ZC3H12B: variants seen among roughly 807,000 people sequenced by gnomAD.
ZC3H12B encodes probable ribonuclease ZC3H12B.
In ZC3H12B, 7 loss-of-function variants were observed where a neutral mutation model predicts 43.9. The ratio of observed to expected loss-of-function variants is 0.16; its 90% CI spans 0.09 to 0.30. ZC3H12B has a LOEUF of 0.30. ZC3H12B is among the 10% of genes least tolerant of loss of function. The pLI, the probability that ZC3H12B is intolerant of heterozygous loss-of-function variation, is 1.00. For missense variants in ZC3H12B, 475 were observed against 670.2 expected (o/e 0.71, Z 3.22); for synonymous variants, 222 against 241.7 (o/e 0.92, Z 0.76).
chrX:65,126,935 C>G, the ZC3H12B span, among the ~76,000 whole-genome samples: 5 of 110,201 alleles, frequency 4.5e-5, no homozygotes, highest in Non-Finnish European at 9.5e-5. Flanking sequence ...TTAAGTTGGA[C>G]TTCACCTTTT....
the ZC3H12B span, among the ~76,000 whole-genome samples, chrX:65,313,063 G>A: frequency 9.0e-6 from 1 of 110,552 alleles, no homozygotes; most frequent in Non-Finnish European, 1.9e-5. Flanking sequence ...TGTATTTTTG[G>A]TAGAGGTGGG....
At chrX:65,339,597 T>G in the ZC3H12B span, among the ~76,000 whole-genome samples, 1 of 111,778 alleles carries the variant, frequency 8.9e-6, no homozygotes, top group Non-Finnish European at 1.9e-5. Flanking sequence ...ATTTTAGCCC[T>G]AGGGGAAATG....
chrX:65,409,594 A>G (rs1038457409), intron 3 of ZC3H12B, among the ~76,000 whole-genome samples: 2 of 109,980 alleles, frequency 1.8e-5, no homozygotes, highest in Admixed American at 1.9e-4. Context: ...ACACACACAC[A>G]CACAATTAGA....
chrX:65,190,403 C>A, the ZC3H12B span, among the ~76,000 whole-genome samples: 1 of 111,220 alleles, frequency 9.0e-6, no homozygotes, highest in Non-Finnish European at 1.9e-5. Flanking sequence ...TGGCCATTTT[C>A]ACGATATTGA....
chrX:65,373,970 A>AG (rs2066295979), intron 2 of ZC3H12B, among the ~76,000 whole-genome samples: 1 of 49,179 alleles, frequency 2.0e-5, no homozygotes, highest in Non-Finnish European at 2.7e-5. Flanking sequence ...CTGTATATAT[A>AG]GTATATATAT....
chrX:65,039,731 A>G, the ZC3H12B span, among the ~76,000 whole-genome samples: 2 of 112,083 alleles, frequency 1.8e-5, no homozygotes, highest in Non-Finnish European at 3.8e-5. Context: ...GGGTGATTTG[A>G]CTGGAAGTGG....
intron 2 of ZC3H12B, among the ~76,000 whole-genome samples, chrX:65,372,524 G>GGAAA (rs1157589626): frequency 1.0e-5 from 1 of 99,074 alleles, no homozygotes; most frequent in Non-Finnish European, 2.0e-5. Context: ...AAGGAAGGAA[G>GGAAA]GAAGGAAGGA....
At chrX:65,367,544 A>G (rs2066189632) in intron 1 of ZC3H12B, among the ~76,000 whole-genome samples, 1 of 111,820 alleles carries the variant, frequency 8.9e-6, no homozygotes, top group African/African-American at 3.2e-5. Context: ...TTCAGATTAA[A>G]TAAGATTTCC....
the ZC3H12B span, among the ~76,000 whole-genome samples, chrX:65,231,062 G>C: frequency 9.0e-6 from 1 of 111,165 alleles, no homozygotes; most frequent in African/African-American, 3.3e-5. Context: ...ATTGTTGGCC[G>C]GTCTGAGAAA....
chrX:65,099,006 G>A, the ZC3H12B span, among the ~76,000 whole-genome samples: 10 of 111,708 alleles, frequency 9.0e-5, no homozygotes, highest in African/African-American at 2.9e-4. Context: ...TGTCGGCAGA[G>A]CAGTCTGAAG....
rs1369900308 is a variant in ZC3H12B at position 65,491,712 on chromosome X, A to AG, written c.608+2303_608+2304insG. Among the ~76,000 whole-genome samples, 3 of 87,278 alleles carry AG rather than the reference A, an allele frequency of 3.4e-5. No homozygotes were observed. In the East Asian group the frequency reaches 8.8e-4, roughly 26 times the overall value. The allele number at this position is 87,278 out of a possible 115,157, so 75.8% of individuals were successfully genotyped here. On this transcript the variant is annotated intron_variant, in intron 1 of 4. Transcript: ENST00000338957. ...ATGGAGTGAGGCCCTATTTAAAAAA[A>AG]AAATATATATATATATATATATATG...
intron 3 of ZC3H12B, among the ~76,000 whole-genome samples, chrX:65,448,499 T>A (rs955696001): frequency 9.0e-5 from 10 of 111,246 alleles, no homozygotes; most frequent in African/African-American, 2.9e-4. Flanking sequence ...AGAACCTAAG[T>A]GCCCATCAAC....
intron 3 of ZC3H12B, among the ~76,000 whole-genome samples, chrX:65,409,296 A>T (rs1354134325): frequency 9.0e-6 from 1 of 110,802 alleles, no homozygotes; most frequent in Non-Finnish European, 1.9e-5. Flanking sequence ...AAAAAAAAAT[A>T]AAAAAAATAA....
At chrX:65,274,707 C>T in the ZC3H12B span, among the ~76,000 whole-genome samples, 1 of 110,203 alleles carries the variant, frequency 9.1e-6, no homozygotes, top group Non-Finnish European at 1.9e-5. Context: ...TGATAAACAG[C>T]CCCACAGCCC....
At chrX:65,159,231 G>C in the ZC3H12B span, among the ~76,000 whole-genome samples, 1 of 111,705 alleles carries the variant, frequency 9.0e-6, no homozygotes, top group East Asian at 2.8e-4. Flanking sequence ...TGTTCTTTTG[G>C]CTTAGCATTG....
intron 2 of ZC3H12B, among the ~76,000 whole-genome samples, chrX:65,379,625 G>A (rs925594626): frequency 1.8e-5 from 2 of 112,756 alleles, no homozygotes; most frequent in South Asian, 7.3e-4. Flanking sequence ...TTGAAGAGCT[G>A]AGAGAAGAAG....
the ZC3H12B span, among the ~76,000 whole-genome samples, chrX:65,072,281 A>G: frequency 8.9e-6 from 1 of 112,269 alleles, no homozygotes; most frequent in Non-Finnish European, 1.9e-5. Context: ...TTCTTGTAGC[A>G]TGTGTTTTCA....
At chrX:65,260,379 G>T in the ZC3H12B span, among the ~76,000 whole-genome samples, 4 of 110,858 alleles carry the variant, frequency 3.6e-5, no homozygotes, top group Non-Finnish European at 3.8e-5. Flanking sequence ...TTAGAATGGG[G>T]TTGTATTCTT....
the ZC3H12B span, among the ~76,000 whole-genome samples, chrX:65,220,020 C>T: frequency 1.8e-5 from 2 of 111,233 alleles, no homozygotes; most frequent in Admixed American, 9.6e-5. Context: ...AGCAGAAACC[C>T]TACAAGCTGA....
Sources: allele counts gnomAD v4.1 joint callset (sites outside exome capture counted in the v4.1 genomes callset), GRCh38; gene constraint gnomAD v4.1.1; transcripts MANE v1.5; gene names NCBI Gene and HGNC (gene_info 2026-07-23, HGNC 2026-07-21).